The following NKAIN2 variants were observed in gnomAD, a reference collection of about 807,000 sequenced individuals.
NKAIN2 encodes the protein sodium/potassium-transporting ATPase subunit beta-1-interacting protein 2.
NKAIN2 carries 14 observed loss-of-function variants against 32.6 expected under a neutral mutation model. That is an observed-to-expected ratio of 0.43 (90% CI 0.28 to 0.67). The LOEUF is 0.67. NKAIN2 is among the 30% of genes least tolerant of loss of function. NKAIN2 has a pLI of 0.17. For synonymous variants in NKAIN2, 80 were observed against 87.2 expected (o/e 0.92, Z 0.46); for missense variants, 198 against 258.3 (o/e 0.77, Z 1.60).
intron 3 of NKAIN2, among the ~76,000 whole-genome samples, chr6:124,492,371 CA>C (rs1777898492): frequency 6.6e-6 from 1 of 151,724 alleles, no homozygotes; most frequent in South Asian, 2.1e-4. Flanking sequence ...AGAGTTCAGT[CA>C]AATTTCCTAC....
intron 3 of NKAIN2, among the ~76,000 whole-genome samples, chr6:124,527,318 C>A (rs1349083478): frequency 6.6e-6 from 1 of 151,904 alleles, no homozygotes; most frequent in Non-Finnish European, 1.5e-5. Flanking sequence ...TATTATTTCA[C>A]CCCCTGCCAT....
chr6:124,432,038 C>G (rs1033477653), intron 3 of NKAIN2, among the ~76,000 whole-genome samples: 4 of 152,192 alleles, frequency 2.6e-5, no homozygotes, highest in South Asian at 2.1e-4. Flanking sequence ...TTGTTAAACT[C>G]CCTTCTTAAT....
intron 3 of NKAIN2, among the ~76,000 whole-genome samples, chr6:124,396,776 A>C (rs968524836): frequency 6.6e-6 from 1 of 152,322 alleles, no homozygotes; most frequent in African/African-American, 2.4e-5. Context: ...AAGATGACCA[A>C]AAACTTGCTT....
chr6:124,174,332 C>T (rs560744943), intron 1 of NKAIN2, among the ~76,000 whole-genome samples: 3 of 152,274 alleles, frequency 2.0e-5, no homozygotes, highest in East Asian at 1.9e-4. Context: ...ACCTGTTAAT[C>T]ATTCTAAACC....
At position 124,772,709 on chromosome 6, in the gene NKAIN2, G is replaced by C. The variant is rs534474162; in HGVS notation, c.475-18630G>C. On this transcript the variant is annotated intron_variant, in intron 4 of 6. Coordinates refer to ENST00000368417, the MANE Select transcript of NKAIN2 (RefSeq NM_001040214.3). Reference sequence around the variant, plus strand: ...TACAGTGAAAGTTGTGGAACGAATAGAGAAATATGTAAAGGAAGAAGCAAA... The same window carrying C: ...TACAGTGAAAGTTGTGGAACGAATACAGAAATATGTAAAGGAAGAAGCAAA... 2.4e-4 allele frequency among the ~76,000 whole-genome samples: 37 copies of C among 152,248 alleles called. 1 individual carries two copies. The highest frequency in any genetic ancestry group is 8.3e-4 in the South Asian group (4 of 4,824).
intron 1 of NKAIN2, among the ~76,000 whole-genome samples, chr6:124,048,117 T>G (rs1459322986): frequency 2.0e-5 from 3 of 152,054 alleles, no homozygotes; most frequent in Non-Finnish European, 2.9e-5. Context: ...TTCTGGTGCC[T>G]CTTCTGCTCC....
chr6:123,889,377 A>T (rs916610464), intron 1 of NKAIN2, among the ~76,000 whole-genome samples: 1 of 152,088 alleles, frequency 6.6e-6, no homozygotes, highest in Admixed American at 6.6e-5. Context: ...ATGACCTGAA[A>T]TGACAGCTGG....
rs147722377 is a variant in NKAIN2 at position 124,100,154 on chromosome 6, T to C, written c.55-182851T>C. On this transcript the variant is annotated intron_variant, in intron 1 of 6. Coordinates refer to ENST00000368417, the MANE Select transcript of NKAIN2 (RefSeq NM_001040214.3). ...ATTCAGTACCTGACAAAGCCACTTA[T>C]TGTTTCTTATAAGATTTCCTGATCC... Among the ~76,000 whole-genome samples, 1,204 of 152,330 alleles carry C rather than the reference T, an allele frequency of 7.9e-3. 17 individuals are homozygous for C. The highest frequency in any genetic ancestry group is 0.028 in the African/African-American group (1,160 of 41,582).
chr6:124,438,080 A>G (rs1775537064), intron 3 of NKAIN2, among the ~76,000 whole-genome samples: 1 of 152,096 alleles, frequency 6.6e-6, no homozygotes, highest in Non-Finnish European at 1.5e-5. Context: ...CCAGTGAGTG[A>G]AAATTTTACA....
Position 124,791,398 on chromosome 6 carries a change from C to T in NKAIN2, c.534C>T (p.Ser178=). ...VVKCITEEED[S]FDFIGGFDSY... ...AATGTATAACTGAAGAAGAGGACAGCTGTAAGTATTAAAGCTCTATTCTGT... is the reference window on the plus strand; with the variant it reads ...AATGTATAACTGAAGAAGAGGACAGTTGTAAGTATTAAAGCTCTATTCTGT... The change falls in exon 5 of 7, where the codon AGC becomes AGT. Residue 178 remains serine (S), a splice_region_variant and synonymous_variant. Transcript: ENST00000368417. 1 of 1,599,004 alleles carries T rather than the reference C, an allele frequency of 6.3e-7. No individual in the cohort carries two copies. The highest frequency in any genetic ancestry group is 8.6e-7 in the Non-Finnish European group (1 of 1,167,546).
intron 1 of NKAIN2, among the ~76,000 whole-genome samples, chr6:124,228,099 A>T (rs1051542372): frequency 2.6e-5 from 4 of 152,158 alleles, no homozygotes; most frequent in African/African-American, 9.6e-5. Flanking sequence ...TAAACTCATC[A>T]TGAAAGTTCC....
At chr6:123,905,291 C>T (rs974121624) in intron 1 of NKAIN2, among the ~76,000 whole-genome samples, 2 of 152,028 alleles carry the variant, frequency 1.3e-5, no homozygotes, top group Non-Finnish European at 2.9e-5. Context: ...ATAGAGGGGC[C>T]TCGGTGGGTA....
intron 5 of NKAIN2, among the ~76,000 whole-genome samples, chr6:124,796,237 T>C (rs1779992793): frequency 6.6e-6 from 1 of 152,192 alleles, no homozygotes; most frequent in Admixed American, 6.5e-5. Context: ...ATCTAGGTGT[T>C]AGAAACCTCA....
intron 4 of NKAIN2, among the ~76,000 whole-genome samples, chr6:124,726,736 G>T (rs1408795795): frequency 4.2e-5 from 6 of 144,524 alleles, no homozygotes; most frequent in Admixed American, 7.1e-5. Flanking sequence ...AGAGAAGAAG[G>T]CTTCAGACGA....
intron 4 of NKAIN2, among the ~76,000 whole-genome samples, chr6:124,688,638 C>G (rs1310918637): frequency 1.3e-5 from 2 of 152,042 alleles, no homozygotes; most frequent in African/African-American, 4.8e-5. Flanking sequence ...CAGCCCTCCC[C>G]CTCCATCCTT....
chr6:124,139,999 A>G (rs1177106538), intron 1 of NKAIN2, among the ~76,000 whole-genome samples: 1 of 152,208 alleles, frequency 6.6e-6, no homozygotes, highest in Non-Finnish European at 1.5e-5. Context: ...TGGAAACCTG[A>G]ATCTGGGAAA....
chr6:124,527,713 T>C (rs189187362), intron 3 of NKAIN2, among the ~76,000 whole-genome samples: 1 of 152,228 alleles, frequency 6.6e-6, no homozygotes, highest in East Asian at 1.9e-4. Flanking sequence ...CTGAGGTGAA[T>C]AGAGAGCTAT....
At chr6:124,668,333 T>C (rs1772914214) in intron 4 of NKAIN2, among the ~76,000 whole-genome samples, 1 of 152,166 alleles carries the variant, frequency 6.6e-6, no homozygotes, top group Non-Finnish European at 1.5e-5. Flanking sequence ...TCTCCTCTTA[T>C]ATCCTGAAAT....
intron 1 of NKAIN2, among the ~76,000 whole-genome samples, chr6:124,104,638 A>T (rs903962161): frequency 6.6e-6 from 1 of 152,260 alleles, no homozygotes; most frequent in Non-Finnish European, 1.5e-5. Context: ...GTGTTTTAAA[A>T]GCATCTAAAA....
Sources: allele counts gnomAD v4.1 joint callset (sites outside exome capture counted in the v4.1 genomes callset), GRCh38; gene constraint gnomAD v4.1.1; transcripts MANE v1.5; gene names NCBI Gene and HGNC (gene_info 2026-07-23, HGNC 2026-07-21).